Variants in LIN7A observed in about 807,000 individuals in gnomAD.
LIN7A encodes the protein lin-7 cell polarity scaffold A, also known as protein lin-7 homolog A.
LIN7A carries 25 observed loss-of-function variants against 29.8 expected under a neutral mutation model. That is an observed-to-expected ratio of 0.84 (90% CI 0.61 to 1.17). LIN7A has a LOEUF of 1.17. Among genes scored for constraint, LIN7A ranks in the 50% most tolerant of loss-of-function variants. LIN7A has a pLI of 0.00. For synonymous variants in LIN7A, 118 were observed against 107.5 expected (o/e 1.10, Z -0.60); for missense variants, 239 against 287.0 (o/e 0.83, Z 1.21).
Position 80,899,765 on chromosome 12 carries a change from C to CTTTTTTTTTTTTTTTTTTT in LIN7A, c.83-10397_83-10396insAAAAAAAAAAAAAAAAAAA, listed in dbSNP as rs760389788. Reference sequence around the variant, plus strand: ...CATTTCCTCTAGGTTTTCTTTTTTTCTTTTCTTTTTTTTTTTTTTTTGAGA... The same window carrying CTTTTTTTTTTTTTTTTTTT: ...CATTTCCTCTAGGTTTTCTTTTTTTCTTTTTTTTTTTTTTTTTTTTTTTCTTTTTTTTTTTTTTTTGAGA... On this transcript the variant is annotated intron_variant, in intron 1 of 5. Transcript: ENST00000552864. 7.3e-5 allele frequency among the ~76,000 whole-genome samples: 8 copies of CTTTTTTTTTTTTTTTTTTT among 109,992 alleles called. 1 individual carries two copies. Among genetic ancestry groups the CTTTTTTTTTTTTTTTTTTT allele is most frequent in the Non-Finnish European group, 1.4e-4 (7 of 51,268 alleles). The allele number at this position is 109,992 out of a possible 152,430, so 72.2% of individuals were successfully genotyped here. A position where few individuals can be genotyped will look rare whatever the true frequency, so the allele number is the denominator to read the frequency against.
chr12:80,925,599 A>G (rs1877540658), intron 1 of LIN7A, among the ~76,000 whole-genome samples: 1 of 152,134 alleles, frequency 6.6e-6, no homozygotes, highest in South Asian at 2.1e-4. Flanking sequence ...TATTATTACT[A>G]TTTTCCGTTT....
At chr12:80,897,342 C>T (rs78344929) in intron 1 of LIN7A, among the ~76,000 whole-genome samples, 6,781 of 152,058 alleles carry the variant, frequency 0.045, 287 homozygotes, top group Admixed American at 0.15. Flanking sequence ...ATTCCTAATC[C>T]CAGTGAAATT....
intron 1 of LIN7A, among the ~76,000 whole-genome samples, chr12:80,911,268 ATT>A (rs768907424): frequency 1.6e-3 from 173 of 105,876 alleles, no homozygotes; most frequent in African/African-American, 5.1e-3. Context: ...AAGTTTGTCT[ATT>A]TTTTTTTTTT....
intron 1 of LIN7A, among the ~76,000 whole-genome samples, chr12:80,933,931 C>T (rs1038367426): frequency 6.6e-6 from 1 of 152,056 alleles, no homozygotes; most frequent in Non-Finnish European, 1.5e-5. Context: ...CATGCAAATG[C>T]CATTAGATTT....
intron 4 of LIN7A, among the ~76,000 whole-genome samples, chr12:80,844,034 A>T (rs1395772165): frequency 6.6e-6 from 1 of 151,718 alleles, no homozygotes; most frequent in African/African-American, 2.4e-5. Flanking sequence ...ATACTTTGAA[A>T]TTTTTTAAAC....
chr12:80,809,244 G>A (rs1871177847), intron 5 of LIN7A, among the ~76,000 whole-genome samples: 1 of 152,162 alleles, frequency 6.6e-6, no homozygotes, highest in Admixed American at 6.5e-5. Flanking sequence ...GGGATTACAA[G>A]CATGAGACAC....
At chr12:80,826,433 A>G (rs1377848443) in intron 4 of LIN7A, among the ~76,000 whole-genome samples, 3 of 152,098 alleles carry the variant, frequency 2.0e-5, no homozygotes, top group Admixed American at 6.5e-5. Context: ...CCACAATTGC[A>G]TCTCATCCTC....
chr12:80,843,702 C>T (rs1294722428), intron 4 of LIN7A, among the ~76,000 whole-genome samples: 1 of 152,030 alleles, frequency 6.6e-6, no homozygotes, highest in East Asian at 1.9e-4. Flanking sequence ...CATCAGAGCC[C>T]TTCAAATTAG....
chr12:80,927,155 CTTTTTTTTTT>C (rs929026269), intron 1 of LIN7A, among the ~76,000 whole-genome samples: 1 of 75,532 alleles, frequency 1.3e-5, no homozygotes, highest in Middle Eastern at 0.018. Flanking sequence ...TTTTCTTTTT[CTTTTTTTTTT>C]TTTTTTTTTT....
intron 2 of LIN7A, among the ~76,000 whole-genome samples, chr12:80,881,167 A>AG (rs397821188): frequency 1.3e-5 from 2 of 151,440 alleles, no homozygotes; most frequent in Non-Finnish European, 3.0e-5. Context: ...GGGGAAAAAA[A>AG]TCTATATTGT....
At chr12:80,875,820 A>T (rs1233791140) in intron 2 of LIN7A, among the ~76,000 whole-genome samples, 1 of 152,226 alleles carries the variant, frequency 6.6e-6, no homozygotes, top group Admixed American at 6.5e-5. Context: ...CTAATAAGGT[A>T]GATGACTATT....
intron 5 of LIN7A, among the ~76,000 whole-genome samples, chr12:80,810,495 T>A (rs1871236056): frequency 6.6e-6 from 1 of 152,150 alleles, no homozygotes. Context: ...TATTCATCCC[T>A]TGATAGCACT....
intron 1 of LIN7A, among the ~76,000 whole-genome samples, chr12:80,922,034 G>C (rs1877340843): frequency 6.6e-6 from 1 of 152,116 alleles, no homozygotes; most frequent in Non-Finnish European, 1.5e-5. Flanking sequence ...TTTACAAAAA[G>C]CCCATTTGCT....
chr12:80,936,196 C>T (rs946698864), intron 1 of LIN7A, among the ~76,000 whole-genome samples: 2 of 152,170 alleles, frequency 1.3e-5, no homozygotes, highest in Non-Finnish European at 2.9e-5. Flanking sequence ...ATGGATTATA[C>T]AATGGATTTC....
chr12:80,841,092 T>G (rs907036997), intron 4 of LIN7A, among the ~76,000 whole-genome samples: 2 of 152,068 alleles, frequency 1.3e-5, no homozygotes, highest in Non-Finnish European at 2.9e-5. Context: ...TATTCTCTTC[T>G]CCACTATAAA....
intron 1 of LIN7A, among the ~76,000 whole-genome samples, chr12:80,900,245 T>A (rs532780990): frequency 6.6e-6 from 1 of 152,198 alleles, no homozygotes; most frequent in Non-Finnish European, 1.5e-5. Context: ...GTCTGGTTTT[T>A]CATGCCTGAA....
Position 80,830,194 on chromosome 12 carries a change from G to A in LIN7A, c.483+15536C>T, listed in dbSNP as rs1226428257. 2.0e-5 allele frequency among the ~76,000 whole-genome samples: 3 copies of A among 152,068 alleles called. No individual in the cohort carries two copies. In the South Asian group the frequency reaches 6.2e-4, roughly 32 times the overall value. ...TGCTTGCTTAAATCAATGGCTTGCT[G>A]CCTTGATTATAAACTAGCAATGATT... On this transcript the variant is annotated intron_variant, in intron 4 of 5. Transcript: ENST00000552864.
At chr12:80,857,288 T>C (rs1415313581) in intron 2 of LIN7A, among the ~76,000 whole-genome samples, 1 of 152,184 alleles carries the variant, frequency 6.6e-6, no homozygotes, top group East Asian at 1.9e-4. Flanking sequence ...ATCTATATTT[T>C]ATCAGAAAAA....
intron 1 of LIN7A, 152 bp downstream of exon 1, chr12:80,937,489 T>C: frequency 2.2e-6 from 1 of 453,434 alleles, no homozygotes; most frequent in Non-Finnish European, 3.9e-6. Context: ...GAAGAAAGTG[T>C]TCTGTTCTCG....
Sources: gnomAD v4.1 joint callset for allele counts (sites outside exome capture counted in the v4.1 genomes callset) on GRCh38, gnomAD v4.1.1 for gene constraint, MANE v1.5 for transcripts, NCBI Gene and HGNC (gene_info 2026-07-23, HGNC 2026-07-21) for gene names.